Variants in GASK1A observed in about 807,000 individuals in gnomAD.
GASK1A encodes the protein golgi associated kinase 1A.
A neutral mutation model predicts 41.2 loss-of-function variants in GASK1A; 40 were observed. That is an observed-to-expected ratio of 0.97 (90% CI 0.75 to 1.27). The LOEUF is 1.27. Ranked by LOEUF, GASK1A falls within the 50% of genes most tolerant of loss-of-function variation. The pLI, the probability that GASK1A is intolerant of heterozygous loss-of-function variation, is 0.00. For synonymous variants in GASK1A, 316 were observed against 307.1 expected (o/e 1.03, Z -0.30); for missense variants, 678 against 745.1 (o/e 0.91, Z 1.05).
At chr3:43,037,240 T>C in intron 2 of GASK1A, 6 of 1,058,050 alleles carry the variant, frequency 5.7e-6, no homozygotes, top group Non-Finnish European at 8.9e-6. Flanking sequence ...GACAGGTCCC[T>C]GGCTGAAAAT....
chr3:43,005,112 C>G (rs2089429550), intron 1 of GASK1A, among the ~76,000 whole-genome samples: 1 of 152,204 alleles, frequency 6.6e-6, no homozygotes. Context: ...TTGCTTCCCT[C>G]TTAAAAGGAT....
intron 1 of GASK1A, among the ~76,000 whole-genome samples, chr3:42,985,102 A>G (rs1253525691): frequency 1.3e-5 from 2 of 152,210 alleles, no homozygotes; most frequent in African/African-American, 4.8e-5. Context: ...TTCTAACTGC[A>G]TTTCTAAAGA....
At chr3:43,039,160 T>G (rs1291528855) in intron 2 of GASK1A, among the ~76,000 whole-genome samples, 1 of 151,864 alleles carries the variant, frequency 6.6e-6, no homozygotes, top group Non-Finnish European at 1.5e-5. Flanking sequence ...ACATCTATTT[T>G]TCTTGCTACC....
intron 1 of GASK1A, among the ~76,000 whole-genome samples, chr3:42,980,100 G>C (rs1211590924): frequency 6.6e-6 from 1 of 152,114 alleles, no homozygotes; most frequent in Admixed American, 6.5e-5. Context: ...ATGTCCTAAC[G>C]TTTATTAACA....
At chr3:42,989,614 T>TGGGTCTCTTTGGAGGAGTCTCTGTGTGG (rs1575434497) in intron 1 of GASK1A, among the ~76,000 whole-genome samples, 2 of 26,144 alleles carry the variant, frequency 7.6e-5, no homozygotes, top group Non-Finnish European at 1.7e-4. Context: ...TGCTTTCTTT[T>TGGGTCTCTTTGGAGGAGTCTCTGTGTGG]TTTTTTTTTT....
intron 1 of GASK1A, among the ~76,000 whole-genome samples, chr3:43,028,529 C>T (rs781510834): frequency 6.6e-6 from 1 of 152,080 alleles, no homozygotes; most frequent in East Asian, 1.9e-4. Flanking sequence ...AATGAAAGAA[C>T]ACAGAGCTCT....
chr3:42,996,981 C>T (rs2089378143), intron 1 of GASK1A, among the ~76,000 whole-genome samples: 1 of 152,244 alleles, frequency 6.6e-6, no homozygotes, highest in South Asian at 2.1e-4. Context: ...GAGCTGGCAG[C>T]TGCATGTGCT....
intron 1 of GASK1A, among the ~76,000 whole-genome samples, chr3:43,030,134 T>G (rs1287766276): frequency 6.6e-6 from 1 of 152,204 alleles, no homozygotes; most frequent in Non-Finnish European, 1.5e-5. Flanking sequence ...TTCTCCCAAG[T>G]AGCTAGGATT....
At chr3:42,983,325 G>A (rs952213486) in intron 1 of GASK1A, among the ~76,000 whole-genome samples, 1 of 152,112 alleles carries the variant, frequency 6.6e-6, no homozygotes, top group Non-Finnish European at 1.5e-5. Context: ...CACAAAAATA[G>A]GTTTGCTTTT....
At chr3:43,018,969 A>G (rs999518939) in intron 1 of GASK1A, among the ~76,000 whole-genome samples, 1 of 152,206 alleles carries the variant, frequency 6.6e-6, no homozygotes, top group African/African-American at 2.4e-5. Context: ...TGCCCTTGTC[A>G]GCAGTGTGAG....
intron 1 of GASK1A, among the ~76,000 whole-genome samples, chr3:43,010,235 C>G (rs1309880951): frequency 2.0e-5 from 3 of 152,164 alleles, no homozygotes; most frequent in Admixed American, 1.3e-4. Context: ...CCTACAATAA[C>G]AGAAACCACT....
intron 1 of GASK1A, among the ~76,000 whole-genome samples, chr3:43,013,981 T>C (rs1355329741): frequency 6.8e-6 from 1 of 147,298 alleles, no homozygotes; most frequent in Non-Finnish European, 1.5e-5. Flanking sequence ...AGGAAGGGGC[T>C]GTGTGAAGCC....
intron 2 of GASK1A, among the ~76,000 whole-genome samples, chr3:43,046,049 A>G (rs1051024760): frequency 6.6e-6 from 1 of 152,218 alleles, no homozygotes; most frequent in Non-Finnish European, 1.5e-5. Flanking sequence ...AAATGGACTA[A>G]TACAGTAAAT....
At chr3:43,010,129 G>A (rs1307496889) in intron 1 of GASK1A, among the ~76,000 whole-genome samples, 3 of 152,168 alleles carry the variant, frequency 2.0e-5, no homozygotes, top group Admixed American at 2.0e-4. Context: ...TCCAAAGTAC[G>A]TGCCTAACAT....
intron 1 of GASK1A, among the ~76,000 whole-genome samples, chr3:43,007,024 G>A (rs368594759): frequency 1.3e-5 from 2 of 152,126 alleles, no homozygotes. Flanking sequence ...CAGGTGAGAG[G>A]CACAGCACTG....
chr3:43,040,165 G>A (rs1158199458), intron 2 of GASK1A, among the ~76,000 whole-genome samples: 1 of 152,014 alleles, frequency 6.6e-6, no homozygotes, highest in East Asian at 1.9e-4. Flanking sequence ...AGTTATTTTG[G>A]AGTAAGGGAT....
Position 43,043,095 on chromosome 3 carries a change from T to C in GASK1A, c.1290+9542T>C, listed in dbSNP as rs377021101. On this transcript the variant is annotated intron_variant, in intron 2 of 4. Transcript: ENST00000430121. ...AGGTATTGGGGTATGGGAAGGGGAGTTGGCTCTCCTCCTGCCTCCAACTAT... is the reference window on the plus strand; with the variant it reads ...AGGTATTGGGGTATGGGAAGGGGAGCTGGCTCTCCTCCTGCCTCCAACTAT... Among the ~76,000 whole-genome samples the C allele has an allele frequency of 2.3e-4, 35 of 151,708 alleles. 2 individuals carry two copies. The South Asian group carries it at 7.3e-3, about 32-fold the overall frequency.
chr3:43,006,677 T>C (rs967708171), intron 1 of GASK1A, among the ~76,000 whole-genome samples: 8 of 152,204 alleles, frequency 5.3e-5, no homozygotes, highest in African/African-American at 1.2e-4. Flanking sequence ...TGTGCCTTGG[T>C]TTGTCTTAAC....
In GASK1A at chr3:43,032,915, G is replaced by A. The variant is rs955436456; in HGVS notation, c.652G>A (p.Glu218Lys). 6.4e-7 allele frequency: 1 copy of A among 1,551,118 alleles called. No individual in the cohort carries two copies. Among genetic ancestry groups the A allele is most frequent in the South Asian group, 1.2e-5 (1 of 84,038 alleles). ...AGCCTTGACTGGTGGGCAACAAGCA[G>A]AGGATCCCACCTTGGCCTCAGGAGC... Reference protein sequence around the residue: ...NRALTGGQQAEDPTLASGAHQ... With the variant: ...NRALTGGQQAKDPTLASGAHQ... The change falls in exon 2 of 5, where the codon GAG (glutamate) becomes AAG (lysine). Residue 218 changes from glutamate (E) to lysine (K), a missense_variant. By Grantham distance (56) the Glu-to-Lys change is moderately conservative (BLOSUM62 1). Transcript: ENST00000430121.
Sources: allele counts gnomAD v4.1 joint callset (sites outside exome capture counted in the v4.1 genomes callset), GRCh38; gene constraint gnomAD v4.1.1; transcripts MANE v1.5; gene names NCBI Gene and HGNC (gene_info 2026-07-23, HGNC 2026-07-21).